The following OR51E2 variants were observed in gnomAD, a reference collection of about 807,000 sequenced individuals.
OR51E2 encodes olfactory receptor 51E2.
OR51E2 carries 14 observed loss-of-function variants against 13.7 expected under a neutral mutation model. The observed-to-expected ratio is 1.02, with a 90% CI of 0.68 to 1.60. The LOEUF is 1.60. Among genes scored for constraint, OR51E2 ranks in the 40% most tolerant of loss-of-function variants. OR51E2 has a pLI of 0.00. For synonymous variants in OR51E2, 180 were observed against 157.6 expected (o/e 1.14, Z -1.07); for missense variants, 483 against 413.8 (o/e 1.17, Z -1.45).
chr11:4,685,095 G>T (rs1415118404), intron 1 of OR51E2: 1 of 152,212 alleles, frequency 6.6e-6, no homozygotes, highest in Non-Finnish European at 1.5e-5. Flanking sequence ...AGAGCAGCTG[G>T]AGCTGGTTTT....
intron 1 of OR51E2, among the ~76,000 whole-genome samples, chr11:4,695,736 C>T (rs1847647653): frequency 6.6e-6 from 1 of 151,782 alleles, no homozygotes; most frequent in African/African-American, 2.4e-5. Context: ...CTCCTTGAAA[C>T]TTTCTCCTTC....
In OR51E2 at chr11:4,688,286, T is replaced by C. The variant is rs968446695; in HGVS notation, c.-50-5525A>G. ...TATTATTATAACATCAAGGGCCCTG[T>C]AATGGGGTGCACTTGAGCAGAGATC... On this transcript the variant is annotated intron_variant, in intron 1 of 1. Transcript: ENST00000396950. 2.0e-5 allele frequency among the ~76,000 whole-genome samples: 3 copies of C among 152,170 alleles called. No homozygotes were observed. In the East Asian group the frequency reaches 5.8e-4, roughly 29 times the overall value.
At position 4,682,476 on chromosome 11, in the gene OR51E2, T is replaced by C; in HGVS notation, c.236A>G (p.Lys79Arg). The C allele has an allele frequency of 6.2e-7, 1 of 1,614,208 alleles. No homozygotes were observed. The highest frequency in any genetic ancestry group is 8.5e-7 in the Non-Finnish European group (1 of 1,180,032). The part of the protein sequence containing the change: ...DLALSTSTMP[K>R]ILALFWFDSR... The stretch of plus-strand genomic sequence containing the variant: ...ATCAAACCAGAAAAGGGCAAGGATC[T>C]TAGGCATGGTGGATGTGGATAAGGC... Residue 79 changes from lysine to arginine, a missense_variant, in exon 2 of 2, where the codon AAG (lysine) becomes AGG (arginine). Coordinates refer to ENST00000396950, the MANE Select transcript of OR51E2 (RefSeq NM_030774.4).
Position 4,682,584 on chromosome 11 carries a change from A to G in OR51E2, c.128T>C (p.Ile43Thr). The change falls in exon 2 of 2, where the codon ATC becomes ACC. Residue 43 changes from isoleucine (I) to threonine (T), a missense_variant. Ile to Thr is a moderately conservative substitution (Grantham distance 89). Coordinates refer to ENST00000396950, the MANE Select transcript of OR51E2 (RefSeq NM_030774.4). ...MYVVAMFGNCIVVFIVRTERS... is the reference protein window; with the variant it reads ...MYVVAMFGNCTVVFIVRTERS... ...TTCCGTCCTTACGATGAAGACCACG[A>G]TGCAGTTTCCAAACATTGCCACTAC... 3 of 1,614,232 alleles carry G rather than the reference A, an allele frequency of 1.9e-6. No homozygotes were observed. The highest frequency in any genetic ancestry group is 2.5e-6 in the Non-Finnish European group (3 of 1,180,038).
At chr11:4,697,428 T>C (rs1266691338) in intron 1 of OR51E2, among the ~76,000 whole-genome samples, 1 of 152,184 alleles carries the variant, frequency 6.6e-6, no homozygotes, top group Non-Finnish European at 1.5e-5. Context: ...GATTAAACCA[T>C]TTGACTAAAA....
chr11:4,690,546 A>G (rs1429511658), intron 1 of OR51E2: 1 of 227,688 alleles, frequency 4.4e-6, no homozygotes, highest in South Asian at 5.9e-5. Flanking sequence ...TAGGCTGTTC[A>G]TCTCTTCCAT....
chr11:4,693,905 A>G (rs1663987137), intron 1 of OR51E2, among the ~76,000 whole-genome samples: 1 of 152,218 alleles, frequency 6.6e-6, no homozygotes, highest in African/African-American at 2.4e-5. Flanking sequence ...AGTGAGGCAG[A>G]AAGAGCAGAA....
intron 1 of OR51E2, among the ~76,000 whole-genome samples, chr11:4,687,560 C>A (rs1291311456): frequency 6.6e-6 from 1 of 152,162 alleles, no homozygotes; most frequent in Non-Finnish European, 1.5e-5. Flanking sequence ...ACTTTGTTAT[C>A]TTCTTGTGTG....
intron 1 of OR51E2, among the ~76,000 whole-genome samples, chr11:4,690,157 A>T (rs953131915): frequency 1.1e-4 from 16 of 151,430 alleles, no homozygotes; most frequent in African/African-American, 3.6e-4. Context: ...GTCTGCATGG[A>T]TGTGCTCTGC....
At chr11:4,683,861 C>T (rs1847484953) in intron 1 of OR51E2, among the ~76,000 whole-genome samples, 2 of 152,214 alleles carry the variant, frequency 1.3e-5, no homozygotes, top group Admixed American at 6.5e-5. Context: ...CTAATTTTCT[C>T]TAAAAAGCCA....
chr11:4,691,883 G>A (rs1481383643), intron 1 of OR51E2, among the ~76,000 whole-genome samples: 1 of 152,134 alleles, frequency 6.6e-6, no homozygotes, highest in Non-Finnish European at 1.5e-5. Context: ...CTGCTGTAGT[G>A]GGCACTTTGG....
chr11:4,683,800 T>C (rs1431077745), intron 1 of OR51E2, among the ~76,000 whole-genome samples: 1 of 152,244 alleles, frequency 6.6e-6, no homozygotes, highest in Non-Finnish European at 1.5e-5. Context: ...GGGCTCTGAC[T>C]TCATGAAACT....
At position 4,681,350 on chromosome 11, in the gene OR51E2, C is replaced by CAAAAA; in HGVS notation, c.*394_*398dup. The CAAAAA allele has an allele frequency of 7.5e-6, 1 of 134,164 alleles. No individual in the cohort carries two copies. The highest frequency in any genetic ancestry group is 1.5e-5 in the Non-Finnish European group (1 of 68,706). 8.3% of individuals were successfully genotyped at this position (134,164 alleles called of 1,614,324 possible). A position where few individuals can be genotyped will look rare whatever the true frequency, so the allele number is the denominator to read the frequency against. On this transcript the variant is annotated 3_prime_UTR_variant, in exon 2 of 2. Transcript: ENST00000396950. ...CTGGTGACAGAGCGAGACCCCATCTCAAAAAAAAAAAAAGTTGTATGTGAC... is the reference window on the plus strand; with the variant it reads ...CTGGTGACAGAGCGAGACCCCATCTCAAAAAAAAAAAAAAAAAAGTTGTATGTGAC...
At chr11:4,691,677 G>T (rs1243198782) in intron 1 of OR51E2, 1 of 387,742 alleles carries the variant, frequency 2.6e-6, no homozygotes, top group Non-Finnish European at 5.1e-6. Context: ...GATGGAAGTG[G>T]AGGTGATATT....
At position 4,682,728 on chromosome 11, in the gene OR51E2, G is replaced by GGGT; in HGVS notation, c.-20_-18dup. The stretch of plus-strand genomic sequence containing the variant: ...GGAACTCATAGCTGGAACTGAGGAG[G>GGGT]GGTGACTGGAGAGGGTGAGGTCACA... On this transcript the variant is annotated 5_prime_UTR_variant, in exon 2 of 2. Coordinates refer to ENST00000396950, the MANE Select transcript of OR51E2 (RefSeq NM_030774.4). 1.9e-6 allele frequency: 3 copies of GGGT among 1,607,272 alleles called. No individual in the cohort carries two copies. Among genetic ancestry groups the GGGT allele is most frequent in the Non-Finnish European group, 2.6e-6 (3 of 1,176,110 alleles).
chr11:4,682,966 G>A (rs1014011049), intron 1 of OR51E2, among the ~76,000 whole-genome samples: 1 of 152,202 alleles, frequency 6.6e-6, no homozygotes, highest in East Asian at 1.9e-4. Flanking sequence ...TCTTGGGAGA[G>A]CAATGCTTTT....
intron 1 of OR51E2, among the ~76,000 whole-genome samples, chr11:4,686,485 C>G (rs189478055): frequency 6.6e-6 from 1 of 152,250 alleles, no homozygotes; most frequent in African/African-American, 2.4e-5. Flanking sequence ...TGGTTTTAAG[C>G]AGGGACATCA....
chr11:4,681,512 G>A lies in OR51E2; in HGVS notation c.*237C>T, dbSNP rs915691296. The A allele has an allele frequency of 1.9e-6, 1 of 514,322 alleles. No individual in the cohort carries two copies. The highest frequency in any genetic ancestry group is 3.2e-5 in the South Asian group (1 of 31,192). 31.9% of individuals were successfully genotyped at this position (514,322 alleles called of 1,614,324 possible). A position where few individuals can be genotyped will look rare whatever the true frequency, so the allele number is the denominator to read the frequency against. ...TTGGTTTCAATCATGTATCTTTATTGTTTTTCTTAATGTTATAAGCATGTT... is the reference window on the plus strand; with the variant it reads ...TTGGTTTCAATCATGTATCTTTATTATTTTTCTTAATGTTATAAGCATGTT... On this transcript the variant is annotated 3_prime_UTR_variant, in exon 2 of 2. Transcript: ENST00000396950.
Position 4,682,464 on chromosome 11 carries a change from A to C in OR51E2, c.248T>G (p.Leu83Arg). 1 of 1,614,250 alleles carries C rather than the reference A, an allele frequency of 6.2e-7. No homozygotes were observed. The highest frequency in any genetic ancestry group is 8.5e-7 in the Non-Finnish European group (1 of 1,180,040). ...STSTMPKILA[L>R]FWFDSREISF... is the part of the protein sequence containing the mutation. ...AATCTCTCGGGAATCAAACCAGAAA[A>C]GGGCAAGGATCTTAGGCATGGTGGA... Residue 83 changes from leucine to arginine, a missense_variant, in exon 2 of 2, where the codon CTT becomes CGT. Physicochemically the swap from Leu to Arg is moderately radical, Grantham distance 102. Transcript: ENST00000396950.
Sources: allele counts gnomAD v4.1 joint callset (sites outside exome capture counted in the v4.1 genomes callset), GRCh38; gene constraint gnomAD v4.1.1; transcripts MANE v1.5; gene names NCBI Gene and HGNC (gene_info 2026-07-23, HGNC 2026-07-21).